Variants in EHMT1 observed in about 807,000 individuals in gnomAD.
EHMT1 encodes histone-lysine N-methyltransferase EHMT1.
A neutral mutation model predicts 147.2 loss-of-function variants in EHMT1; 15 were observed. The observed-to-expected ratio is 0.10, with a 90% CI of 0.07 to 0.16. The LOEUF is 0.16. EHMT1 is among the 10% of genes least tolerant of loss of function. The pLI, the probability that EHMT1 is intolerant of heterozygous loss-of-function variation, is 1.00. For synonymous variants in EHMT1, 795 were observed against 709.6 expected, an observed-to-expected ratio of 1.12 and a Z score of -1.91; for missense variants, 1,587 against 1,772.4, an observed-to-expected ratio of 0.90 and a Z score of 1.88.
intron 2 of EHMT1, chr9:137,715,581 G>A (rs185599232): frequency 4.1e-6 from 4 of 985,428 alleles, no homozygotes; most frequent in Admixed American, 1.2e-4. Flanking sequence ...ACTGAGCTCC[G>A]TGTGCACCTA....
intron 4 of EHMT1, chr9:137,738,613 C>T (rs1947767047): frequency 6.6e-6 from 1 of 152,124 alleles, no homozygotes; most frequent in Admixed American, 6.5e-5. Flanking sequence ...GCAGCATCAA[C>T]CACAGCAGCC....
chr9:137,697,818 C>T (rs1312455293), intron 1 of EHMT1, among the ~76,000 whole-genome samples: 1 of 152,150 alleles, frequency 6.6e-6, no homozygotes, highest in Non-Finnish European at 1.5e-5. Flanking sequence ...TATTTTCTCC[C>T]CGTTAAGTTT....
chr9:137,789,501 C>T (rs753579342), intron 15 of EHMT1, among the ~76,000 whole-genome samples: 3 of 152,204 alleles, frequency 2.0e-5, no homozygotes, highest in Non-Finnish European at 2.9e-5. Flanking sequence ...TAAAAATTAG[C>T]TGTCGTAGAC....
intron 1 of EHMT1, among the ~76,000 whole-genome samples, chr9:137,654,463 T>C (rs768780293): frequency 6.6e-6 from 1 of 151,228 alleles, no homozygotes; most frequent in African/African-American, 2.4e-5. Flanking sequence ...TTCTCTTCCA[T>C]TGATCAGATG....
At chr9:137,670,523 C>T (rs1325326253) in intron 1 of EHMT1, among the ~76,000 whole-genome samples, 1 of 152,164 alleles carries the variant, frequency 6.6e-6, no homozygotes, top group Non-Finnish European at 1.5e-5. Flanking sequence ...CTGCTCCCTT[C>T]ATGGCTTCCC....
chr9:137,720,218 G>A (rs2135576705), intron 3 of EHMT1, among the ~76,000 whole-genome samples: 1 of 152,174 alleles, frequency 6.6e-6, no homozygotes, highest in African/African-American at 2.4e-5. Context: ...CCCCACACCA[G>A]GGTCCCTGAC....
chr9:137,804,947 C>T (rs1410973054), intron 18 of EHMT1, among the ~76,000 whole-genome samples: 1 of 152,178 alleles, frequency 6.6e-6, no homozygotes, highest in Non-Finnish European at 1.5e-5. Flanking sequence ...TGTCAGTCAT[C>T]CATGTATGAG....
At chr9:137,740,486 GGC>G (rs1947959072) in intron 4 of EHMT1, among the ~76,000 whole-genome samples, 1 of 152,146 alleles carries the variant, frequency 6.6e-6, no homozygotes, top group Non-Finnish European at 1.5e-5. Flanking sequence ...TCTTTCTCCT[GGC>G]CCCTGATGAC....
intron 1 of EHMT1, among the ~76,000 whole-genome samples, chr9:137,633,534 G>A (rs1843761669): frequency 6.6e-6 from 1 of 152,018 alleles, no homozygotes; most frequent in Non-Finnish European, 1.5e-5. Flanking sequence ...TATCAGTCCA[G>A]GAGCAGATGA....
chr9:137,755,043 A>G (rs1949273944), intron 8 of EHMT1, among the ~76,000 whole-genome samples: 1 of 152,264 alleles, frequency 6.6e-6, no homozygotes, highest in African/African-American at 2.4e-5. Flanking sequence ...CAGCAGGTTT[A>G]GGGTGCCAAG....
At chr9:137,628,006 G>A (rs780943190) in intron 1 of EHMT1, among the ~76,000 whole-genome samples, 3 of 152,144 alleles carry the variant, frequency 2.0e-5, no homozygotes, top group Non-Finnish European at 4.4e-5. Context: ...CACCATGCCC[G>A]GCCATTTTTG....
chr9:137,781,025 G>GGCATCA (rs2136829847), intron 14 of EHMT1, among the ~76,000 whole-genome samples: 1 of 147,284 alleles, frequency 6.8e-6, no homozygotes. Context: ...TGGTGATGAC[G>GGCATCA]CCGAGACGTG....
chr9:137,834,680 G>A (rs927920870), intron 26 of EHMT1, 93 bp from the exon 27 acceptor site: 10 of 1,603,100 alleles, frequency 6.2e-6, no homozygotes, highest in Middle Eastern at 1.9e-4. Context: ...GGCAGATCGG[G>A]GTGAGGAAGC....
chr9:137,663,814 C>G (rs1021446005), intron 1 of EHMT1, among the ~76,000 whole-genome samples: 2 of 152,180 alleles, frequency 1.3e-5, no homozygotes, highest in East Asian at 3.9e-4. Flanking sequence ...CTCAGATCCT[C>G]TCACCTGGAG....
At position 137,716,790 on chromosome 9, in the gene EHMT1, G is replaced by C; in HGVS notation, c.250G>C (p.Gly84Arg). Residue 84 changes from glycine to arginine, a missense_variant, in exon 3 of 27, where the codon GGC becomes CGC. Around this residue, in one of 7 missense-constraint regions of EHMT1, gnomAD observed 810 missense variants for 673.0 expected, o/e 1.20. Coordinates refer to ENST00000460843, the MANE Select transcript of EHMT1 (RefSeq NM_024757.5). ...QDSARVNPQD[G>R]TNTLTRIAEN... ...CAGCGCAAGGGTCAACCCCCAGGATGGCACCAACACACTAACTCGGATAGC... is the reference window on the plus strand; with the variant it reads ...CAGCGCAAGGGTCAACCCCCAGGATCGCACCAACACACTAACTCGGATAGC... 1.2e-6 allele frequency: 2 copies of C among 1,613,258 alleles called. No homozygotes were observed. Among genetic ancestry groups the C allele is most frequent in the Non-Finnish European group, 1.7e-6 (2 of 1,179,848 alleles).
intron 4 of EHMT1, among the ~76,000 whole-genome samples, chr9:137,736,023 A>G (rs368921377): frequency 1.3e-5 from 2 of 152,320 alleles, no homozygotes; most frequent in East Asian, 3.9e-4. Flanking sequence ...TCAAGAGAAA[A>G]AAAACAGATG....
chr9:137,814,745 T>A, intron 22 of EHMT1: 1 of 601,086 alleles, frequency 1.7e-6, no homozygotes, highest in Non-Finnish European at 3.0e-6. Context: ...CCTTTGTGGC[T>A]GCCTGGATGG....
rs772797785 is a variant in EHMT1 at position 137,717,219 on chromosome 9, C to T, written c.642+37C>T. 2.7e-5 allele frequency: 43 copies of T among 1,606,186 alleles called. 1 individual carries two copies. The Middle Eastern group carries it at 7.4e-4, about 28-fold the overall frequency. On this transcript the variant is annotated intron_variant, in intron 3 of 26. Transcript: ENST00000460843. ...TCTTCTCTTGCTGTTTCCTTTTTCC[C>T]ATCTCTTTTGTTTTAATAACGGCAA...
chr9:137,685,185 C>T (rs569663092), intron 1 of EHMT1: 2 of 152,048 alleles, frequency 1.3e-5, no homozygotes, highest in Admixed American at 6.6e-5. Context: ...CCATTGTAAC[C>T]GTCATCAGTC....
Sources: gnomAD v4.1 joint callset for allele counts (sites outside exome capture counted in the v4.1 genomes callset) on GRCh38, gnomAD v4.1.1 for gene constraint, gnomAD v4.1.1 regional missense constraint, MANE v1.5 for transcripts, NCBI Gene and HGNC (gene_info 2026-07-23, HGNC 2026-07-21) for gene names.